ARHGEF38: variants seen among roughly 807,000 people sequenced by gnomAD.
ARHGEF38 encodes the protein Rho guanine nucleotide exchange factor 38.
In ARHGEF38, 79 loss-of-function variants were observed where a neutral mutation model predicts 79.9. The ratio of observed to expected loss-of-function variants is 0.99; its 90% CI spans 0.82 to 1.19. The LOEUF (loss-of-function observed/expected upper bound fraction) is 1.19, where lower values mean the gene tolerates loss of function less well. Among genes scored for constraint, ARHGEF38 ranks in the 50% most tolerant of loss-of-function variants. The probability of loss-of-function intolerance (pLI) is 0.00; values close to 1 mark genes in which losing one functional copy is unlikely to be tolerated. For synonymous variants in ARHGEF38, 366 were observed against 328.3 expected, an observed-to-expected ratio of 1.11 and a Z score of -1.24; for missense variants, 962 against 907.2, an observed-to-expected ratio of 1.06 and a Z score of -0.78.
intron 2 of ARHGEF38, among the ~76,000 whole-genome samples, chr4:105,608,364 G>T (rs1235824265): frequency 6.6e-6 from 1 of 151,858 alleles, no homozygotes; most frequent in Non-Finnish European, 1.5e-5. Flanking sequence ...GTCTTCTTTT[G>T]AGAAATGTCT....
intron 1 of ARHGEF38, among the ~76,000 whole-genome samples, chr4:105,558,862 A>G (rs1725379631): frequency 2.6e-5 from 4 of 151,628 alleles, no homozygotes; most frequent in Admixed American, 6.6e-5. Context: ...AAAATGAGAC[A>G]TCAAGAGGAA....
intron 7 of ARHGEF38, among the ~76,000 whole-genome samples, chr4:105,649,138 T>C (rs767947704): frequency 7.2e-5 from 11 of 152,156 alleles, no homozygotes; most frequent in Non-Finnish European, 1.5e-4. Context: ...ACAAAGTGTT[T>C]AGAGGCATAA....
intron 5 of ARHGEF38, among the ~76,000 whole-genome samples, chr4:105,639,581 A>G (rs1326761528): frequency 2.6e-5 from 4 of 151,942 alleles, no homozygotes; most frequent in Admixed American, 6.6e-5. Flanking sequence ...ATCCATTTTT[A>G]TTGTTTTATT....
chr4:105,631,540 T>C (rs1407500559), intron 4 of ARHGEF38: 1 of 985,394 alleles, frequency 1.0e-6, no homozygotes, highest in Non-Finnish European at 1.2e-6. Flanking sequence ...CAATTACTCA[T>C]GCCTTCCTTT....
chr4:105,579,878 G>A (rs756269475), intron 1 of ARHGEF38, among the ~76,000 whole-genome samples: 2 of 152,086 alleles, frequency 1.3e-5, no homozygotes, highest in Non-Finnish European at 2.9e-5. Flanking sequence ...CTTTTGGTTG[G>A]TAGGCTATTT....
chr4:105,558,173 G>A (rs1441099897), intron 1 of ARHGEF38, among the ~76,000 whole-genome samples: 1 of 152,172 alleles, frequency 6.6e-6, no homozygotes, highest in Non-Finnish European at 1.5e-5. Context: ...ATTGTGCCAT[G>A]TGGGGACAAG....
At chr4:105,605,220 C>T (rs1727988602) in intron 2 of ARHGEF38, among the ~76,000 whole-genome samples, 2 of 152,210 alleles carry the variant, frequency 1.3e-5, no homozygotes, top group South Asian at 2.1e-4. Flanking sequence ...CTCAAGGATA[C>T]CAATATAATA....
At chr4:105,667,798 G>A in intron 13 of ARHGEF38, 95 bp downstream of exon 13, 1 of 1,427,118 alleles carries the variant, frequency 7.0e-7, no homozygotes, top group Non-Finnish European at 9.3e-7. Flanking sequence ...GTGGAAAAGT[G>A]CCAGCTTTGA....
chr4:105,558,701 T>G (rs1012843221), intron 1 of ARHGEF38, among the ~76,000 whole-genome samples: 1 of 152,204 alleles, frequency 6.6e-6, no homozygotes, highest in African/African-American at 2.4e-5. Context: ...AAATTGAGAC[T>G]GTTTGAGCTA....
At chr4:105,558,117 C>G (rs182951039) in intron 1 of ARHGEF38, among the ~76,000 whole-genome samples, 16 of 152,068 alleles carry the variant, frequency 1.1e-4, no homozygotes, top group Admixed American at 9.8e-4. Context: ...TAATATGGTG[C>G]GAAAGATGAA....
intron 5 of ARHGEF38, among the ~76,000 whole-genome samples, chr4:105,642,910 T>C (rs1729679910): frequency 6.6e-6 from 1 of 152,124 alleles, no homozygotes; most frequent in Non-Finnish European, 1.5e-5. Flanking sequence ...ATTCTGATTA[T>C]ATTCATGTAG....
At position 105,678,775 on chromosome 4, in the gene ARHGEF38, A is replaced by G. The variant is rs1487839158; in HGVS notation, c.*838A>G. 6.6e-6 allele frequency: 1 copy of G among 150,954 alleles called. No individual in the cohort carries two copies. The highest frequency in any genetic ancestry group is 2.4e-5 in the African/African-American group (1 of 41,158). 9.4% of individuals were successfully genotyped at this position (150,954 alleles called of 1,614,324 possible). A position where few individuals can be genotyped will look rare whatever the true frequency, so the allele number is the denominator to read the frequency against. The stretch of plus-strand genomic sequence containing the variant: ...CTAAGGCTTCCAACCATCTAAATAG[A>G]CTTCCCCTTCAGCCAGGGCTTTTTT... On this transcript the variant is annotated 3_prime_UTR_variant, in exon 14 of 14. Transcript: ENST00000420470.
chr4:105,579,330 C>T (rs1418965076), intron 1 of ARHGEF38, among the ~76,000 whole-genome samples: 3 of 152,150 alleles, frequency 2.0e-5, no homozygotes, highest in African/African-American at 4.8e-5. Context: ...GGAATGCTTT[C>T]AGCTTTTGCC....
chr4:105,681,190 A>G (rs748040238), downstream of ARHGEF38, among the ~76,000 whole-genome samples: 1 of 152,030 alleles, frequency 6.6e-6, no homozygotes, highest in Non-Finnish European at 1.5e-5. Flanking sequence ...TTGAGATCAT[A>G]ATTGAGATAA....
intron 8 of ARHGEF38, 41 bp downstream of exon 8, chr4:105,654,210 T>C (rs1468590875): frequency 1.7e-6 from 2 of 1,161,566 alleles, no homozygotes; most frequent in Non-Finnish European, 2.4e-6. Context: ...TACAGGAACA[T>C]CTGATACAAA....
At chr4:105,588,729 A>T (rs917612659) in intron 1 of ARHGEF38, among the ~76,000 whole-genome samples, 1 of 152,234 alleles carries the variant, frequency 6.6e-6, no homozygotes, top group East Asian at 1.9e-4. Flanking sequence ...CTCCTCATGG[A>T]TTCTGATAGT....
At chr4:105,624,507 C>T (rs1039002522) in intron 3 of ARHGEF38, among the ~76,000 whole-genome samples, 1 of 152,134 alleles carries the variant, frequency 6.6e-6, no homozygotes, top group Non-Finnish European at 1.5e-5. Context: ...ATATTATAAC[C>T]CTAGCCAGGG....
At chr4:105,609,529 A>AG (rs2110486523) in intron 2 of ARHGEF38, among the ~76,000 whole-genome samples, 2 of 152,214 alleles carry the variant, frequency 1.3e-5, no homozygotes, top group South Asian at 2.1e-4. Flanking sequence ...TATCCATTCT[A>AG]CCTAAAGCAA....
At chr4:105,587,703 G>T (rs1042053596) in intron 1 of ARHGEF38, among the ~76,000 whole-genome samples, 1 of 152,064 alleles carries the variant, frequency 6.6e-6, no homozygotes, top group African/African-American at 2.4e-5. Context: ...CTTGTGATCT[G>T]CCTGCCTCGG....
Sources: allele counts gnomAD v4.1 joint callset (sites outside exome capture counted in the v4.1 genomes callset), GRCh38; gene constraint gnomAD v4.1.1; transcripts MANE v1.5; gene names NCBI Gene and HGNC (gene_info 2026-07-23, HGNC 2026-07-21).